The following KCNJ6 variants were observed in gnomAD, a reference collection of about 807,000 sequenced individuals.
KCNJ6 encodes the protein potassium inwardly rectifying channel subfamily J member 6, also known as G protein-activated inward rectifier potassium channel 2.
A neutral mutation model predicts 34.2 loss-of-function variants in KCNJ6; 9 were observed. The observed-to-expected ratio is 0.26, with a 90% CI of 0.16 to 0.46. The LOEUF (loss-of-function observed/expected upper bound fraction) is 0.46. Ranked by LOEUF, KCNJ6 falls within the 20% of genes least tolerant of loss-of-function variation. KCNJ6 has a pLI of 1.00. For synonymous variants in KCNJ6, 196 were observed against 207.1 expected (o/e 0.95, Z 0.46); for missense variants, 236 against 531.3 (o/e 0.44, Z 5.46).
chr21:37,769,426 T>C (rs2055107204), intron 2 of KCNJ6, among the ~76,000 whole-genome samples: 1 of 149,344 alleles, frequency 6.7e-6, no homozygotes, highest in Non-Finnish European at 1.5e-5. Flanking sequence ...TTATTATTAT[T>C]ATTATTATTA....
intron 2 of KCNJ6, among the ~76,000 whole-genome samples, chr21:37,750,629 C>T (rs2054990512): frequency 6.6e-6 from 1 of 151,644 alleles, no homozygotes; most frequent in African/African-American, 2.4e-5. Context: ...AACACAGGAA[C>T]AGAAAACCAA....
chr21:37,880,245 A>C (rs1046484705), intron 1 of KCNJ6, among the ~76,000 whole-genome samples: 2 of 152,204 alleles, frequency 1.3e-5, no homozygotes, highest in African/African-American at 4.8e-5. Context: ...CCTGGGTGAC[A>C]CAGCAAGACT....
chr21:37,735,064 A>G (rs1004151751), intron 2 of KCNJ6, among the ~76,000 whole-genome samples: 2 of 152,092 alleles, frequency 1.3e-5, no homozygotes, highest in African/African-American at 2.4e-5. Flanking sequence ...TGTCAGCCCA[A>G]GCATTCACTG....
At chr21:37,849,904 C>A (rs1353802515) in intron 1 of KCNJ6, among the ~76,000 whole-genome samples, 2 of 152,234 alleles carry the variant, frequency 1.3e-5, no homozygotes, top group South Asian at 4.1e-4. Flanking sequence ...AGGATGAATT[C>A]CTCTGTTTCC....
Position 37,916,270 on chromosome 21 carries a change from T to A in KCNJ6, c.-414A>T, listed in dbSNP as rs2055893933. 1 of 150,326 alleles carries A rather than the reference T, an allele frequency of 6.7e-6. No individual in the cohort carries two copies. Among genetic ancestry groups the A allele is most frequent in the East Asian group, 2.0e-4 (1 of 5,070 alleles). The allele number at this position is 150,326 out of a possible 1,614,324, so 9.3% of individuals were successfully genotyped here. A position where few individuals can be genotyped will look rare whatever the true frequency, so the allele number is the denominator to read the frequency against. On this transcript the variant is annotated 5_prime_UTR_variant, in exon 1 of 4. Transcript: ENST00000609713. ...TTGGGCAGGGACGGGGGAGGGAGAC[T>A]GGGTGGAATGAAGTGGGGAAAGATA...
At chr21:37,904,719 TTG>T (rs2055833006) in intron 1 of KCNJ6, among the ~76,000 whole-genome samples, 1 of 152,192 alleles carries the variant, frequency 6.6e-6, no homozygotes, top group Non-Finnish European at 1.5e-5. Flanking sequence ...GAGAGAAGGT[TTG>T]TAGTTTGACA....
chr21:37,782,005 A>G (rs146686001), intron 2 of KCNJ6, among the ~76,000 whole-genome samples: 8 of 152,352 alleles, frequency 5.3e-5, no homozygotes, highest in African/African-American at 1.9e-4. Context: ...GATTCTGTCA[A>G]TAACCTTGAG....
intron 1 of KCNJ6, among the ~76,000 whole-genome samples, chr21:37,915,124 G>A (rs1422903435): frequency 6.6e-6 from 1 of 152,060 alleles, no homozygotes; most frequent in Non-Finnish European, 1.5e-5. Flanking sequence ...GAATACTGAT[G>A]TTATTTCACT....
intron 3 of KCNJ6, among the ~76,000 whole-genome samples, chr21:37,627,898 C>T (rs1344712562): frequency 6.6e-6 from 1 of 152,202 alleles, no homozygotes; most frequent in Non-Finnish European, 1.5e-5. Context: ...TTTTTGGTTA[C>T]TGGCTCTTAA....
chr21:37,845,735 A>C (rs2055503601), intron 1 of KCNJ6, among the ~76,000 whole-genome samples: 2 of 152,206 alleles, frequency 1.3e-5, no homozygotes, highest in Admixed American at 1.3e-4. Context: ...AAAAATAACA[A>C]AGCAAATTTC....
At position 37,675,923 on chromosome 21, in the gene KCNJ6, C is replaced by T. The variant is rs2054562789; in HGVS notation, c.946+38288G>A. ...CCGACCCTGCTGCGCTTGTCAGCTT[C>T]TCTAACTGTGGCTTGGCTCCTCTGT... On this transcript the variant is annotated intron_variant, in intron 3 of 3. Transcript: ENST00000609713. This position sits in a 1 kb window ranked among gnomAD's most constrained non-coding sequence, Gnocchi z 4.2. Among the ~76,000 whole-genome samples the T allele has an allele frequency of 6.6e-6, 1 of 152,222 alleles. No homozygotes were observed. Among genetic ancestry groups the T allele is most frequent in the East Asian group, 1.9e-4 (1 of 5,194 alleles).
chr21:37,737,361 T>G (rs1310094904), intron 2 of KCNJ6, among the ~76,000 whole-genome samples: 1 of 152,238 alleles, frequency 6.6e-6, no homozygotes, highest in Non-Finnish European at 1.5e-5. Context: ...ATTTGCATTT[T>G]CCTTTTTCTC....
chr21:37,832,416 C>T (rs1207385169), intron 2 of KCNJ6, among the ~76,000 whole-genome samples: 4 of 152,050 alleles, frequency 2.6e-5, no homozygotes, highest in Admixed American at 2.0e-4. Context: ...TTCCTCGGCC[C>T]TTAACTCCCA....
At position 37,649,157 on chromosome 21, in the gene KCNJ6, A is replaced by AAAAAAC. The variant is rs755535850; in HGVS notation, c.947-23674_947-23673insGTTTTT. 4.7e-3 allele frequency among the ~76,000 whole-genome samples: 634 copies of AAAAAAC among 133,958 alleles called. 49 individuals are homozygous for AAAAAAC. Among genetic ancestry groups the AAAAAAC allele is most frequent in the Middle Eastern group, 0.013 (3 of 234 alleles). 87.9% of individuals were successfully genotyped at this position (133,958 alleles called of 152,430 possible). On this transcript the variant is annotated intron_variant, in intron 3 of 3. Coordinates refer to ENST00000609713, the MANE Select transcript of KCNJ6 (RefSeq NM_002240.5). ...CAAAAAAAAAAAAAAAAAAAAAAGA[A>AAAAAAC]AGAAAAAGAAAGGGAGTTTATAAAT...
chr21:37,863,389 C>T (rs888941027), intron 1 of KCNJ6, among the ~76,000 whole-genome samples: 39 of 152,180 alleles, frequency 2.6e-4, no homozygotes, highest in African/African-American at 6.7e-4. Flanking sequence ...TGATGGGTAT[C>T]GCACAGGTAC....
At chr21:37,802,922 C>T (rs76072560) in intron 2 of KCNJ6, among the ~76,000 whole-genome samples, 5,725 of 152,160 alleles carry the variant, frequency 0.038, 334 homozygotes, top group African/African-American at 0.12. Context: ...AATAAATACT[C>T]GACTCTCCTG....
At chr21:37,655,280 A>C (rs2054458499) in intron 3 of KCNJ6, among the ~76,000 whole-genome samples, 1 of 101,380 alleles carries the variant, frequency 9.9e-6, no homozygotes, top group Admixed American at 9.5e-5. Context: ...AGAGAGAGAG[A>C]GAGAGTGTAA....
chr21:37,690,305 T>C (rs978617105), intron 3 of KCNJ6, among the ~76,000 whole-genome samples: 1 of 152,236 alleles, frequency 6.6e-6, no homozygotes, highest in Non-Finnish European at 1.5e-5. Flanking sequence ...TGAATCTGTA[T>C]TGAAGTTTAT....
rs896293250 is a variant in KCNJ6, at chr21:37,695,902, C to T, written c.946+18309G>A. On this transcript the variant is annotated intron_variant, in intron 3 of 3. Coordinates refer to ENST00000609713, the MANE Select transcript of KCNJ6 (RefSeq NM_002240.5). The surrounding 1 kb of genome is among the most constrained non-coding windows in gnomAD (Gnocchi z 4.2). ...TGTGCCAGAAAAAAGGAAGAACACA[C>T]AAAATGATTATGTTCAAAGGGCAAA... is the stretch of plus-strand genomic sequence containing the variant. Among the ~76,000 whole-genome samples the T allele has an allele frequency of 2.0e-5, 3 of 152,154 alleles. No individual in the cohort carries two copies. Among genetic ancestry groups the T allele is most frequent in the Non-Finnish European group, 1.5e-5 (1 of 68,030 alleles).
Sources: allele counts gnomAD v4.1 joint callset (sites outside exome capture counted in the v4.1 genomes callset), GRCh38; gene constraint gnomAD v4.1.1; non-coding constraint Gnocchi (gnomAD v3.1); transcripts MANE v1.5; gene names NCBI Gene and HGNC (gene_info 2026-07-23, HGNC 2026-07-21).